ATP8B4: variants seen among roughly 807,000 people sequenced by gnomAD.
ATP8B4 encodes ATPase phospholipid transporting 8B4 (putative), also known as probable phospholipid-transporting ATPase IM.
In ATP8B4, 133 loss-of-function variants were observed where a neutral mutation model predicts 145.6. The ratio of observed to expected loss-of-function variants is 0.91; its 90% CI spans 0.79 to 1.05. The LOEUF (loss-of-function observed/expected upper bound fraction) is 1.05, where lower values mean the gene tolerates loss of function less well. Ranked by LOEUF, ATP8B4 falls within the 50% of genes least tolerant of loss-of-function variation. The pLI is 0.00. For synonymous variants in ATP8B4, 507 were observed against 492.9 expected (o/e 1.03, Z -0.38); for missense variants, 1,458 against 1,425.2 (o/e 1.02, Z -0.37).
At chr15:50,076,924 T>G (rs1475931533) in intron 2 of ATP8B4, among the ~76,000 whole-genome samples, 1 of 152,210 alleles carries the variant, frequency 6.6e-6, no homozygotes, top group Admixed American at 6.5e-5. Context: ...GCTACCACAG[T>G]GTATGAGGGG....
chr15:49,925,710 T>C (rs1354273411), intron 16 of ATP8B4, among the ~76,000 whole-genome samples: 1 of 152,208 alleles, frequency 6.6e-6, no homozygotes, highest in Non-Finnish European at 1.5e-5. Context: ...ATACTTTCCC[T>C]TAACCTAGTA....
chr15:49,990,706 C>A (rs919143183), intron 9 of ATP8B4, among the ~76,000 whole-genome samples: 8 of 152,134 alleles, frequency 5.3e-5, no homozygotes, highest in Non-Finnish European at 1.2e-4. Flanking sequence ...AAATGGAACT[C>A]AGTGCCCAAT....
chr15:50,153,373 C>T (rs1427862319), intron 1 of ATP8B4, among the ~76,000 whole-genome samples: 1 of 150,364 alleles, frequency 6.7e-6, no homozygotes, highest in Non-Finnish European at 1.5e-5. Context: ...GTGTCCCACG[C>T]TGTCGCCCAG....
intron 13 of ATP8B4, among the ~76,000 whole-genome samples, chr15:49,969,037 C>T (rs933104630): frequency 3.3e-5 from 5 of 151,902 alleles, no homozygotes; most frequent in East Asian, 1.9e-4. Context: ...AGGTAAATAA[C>T]GAAATAAAGG....
At chr15:50,041,366 T>A (rs1415942578) in intron 5 of ATP8B4, among the ~76,000 whole-genome samples, 2 of 152,252 alleles carry the variant, frequency 1.3e-5, no homozygotes, top group African/African-American at 4.8e-5. Context: ...CATAATGAGA[T>A]GTCTCATGTT....
chr15:50,076,642 G>A (rs1027042886), intron 2 of ATP8B4, among the ~76,000 whole-genome samples: 6 of 152,268 alleles, frequency 3.9e-5, no homozygotes, highest in African/African-American at 1.4e-4. Context: ...TATCCAAATT[G>A]CTCTCATCCC....
At chr15:49,980,213 A>G (rs994393614) in intron 11 of ATP8B4, among the ~76,000 whole-genome samples, 6 of 152,188 alleles carry the variant, frequency 3.9e-5, no homozygotes, top group African/African-American at 1.4e-4. Flanking sequence ...AAAGTAAAAC[A>G]CAGAGCCTGG....
At chr15:49,969,640 C>G (rs1773432455) in intron 13 of ATP8B4, among the ~76,000 whole-genome samples, 1 of 151,846 alleles carries the variant, frequency 6.6e-6, no homozygotes, top group African/African-American at 2.4e-5. Flanking sequence ...AATAGCCTAC[C>G]AACAAAAAAA....
chr15:49,980,345 A>G (rs759585674), intron 11 of ATP8B4, among the ~76,000 whole-genome samples: 1 of 152,178 alleles, frequency 6.6e-6, no homozygotes, highest in African/African-American at 2.4e-5. Flanking sequence ...AGCCTGTGAT[A>G]GGGTACATGG....
rs1429268314 is a variant in ATP8B4, at chr15:50,103,157, G to A, written c.28+3782C>T. Among the ~76,000 whole-genome samples the A allele has an allele frequency of 2.6e-5, 4 of 152,090 alleles. No homozygotes were observed. In the East Asian group the frequency reaches 7.7e-4, roughly 29 times the overall value. On this transcript the variant is annotated intron_variant, in intron 2 of 27. Transcript: ENST00000284509. ...ACATTATATTGAATAGGGAAAAGTT[G>A]AAAGCATTCCCCCTGAGAACTGGAA...
chr15:50,064,533 G>C lies in ATP8B4; in HGVS notation c.87+9594C>G, dbSNP rs568215688. Reference sequence around the variant, plus strand: ...CCTCCGTGCACACAGTCATGCAATAGACACAGATTTATTGACAAATATATA... The same window carrying C: ...CCTCCGTGCACACAGTCATGCAATACACACAGATTTATTGACAAATATATA... On this transcript the variant is annotated intron_variant, in intron 3 of 27. Coordinates refer to ENST00000284509, the MANE Select transcript of ATP8B4 (RefSeq NM_024837.4). 2.0e-5 allele frequency among the ~76,000 whole-genome samples: 3 copies of C among 152,220 alleles called. No individual in the cohort carries two copies. The East Asian group carries it at 5.8e-4, about 29-fold the overall frequency.
intron 13 of ATP8B4, among the ~76,000 whole-genome samples, chr15:49,971,442 C>T (rs1169333470): frequency 1.3e-5 from 2 of 151,684 alleles, no homozygotes. Context: ...CAAACAACCC[C>T]ATCAAAAAGT....
intron 26 of ATP8B4, among the ~76,000 whole-genome samples, chr15:49,863,817 A>C (rs984642970): frequency 6.6e-6 from 1 of 152,204 alleles, no homozygotes; most frequent in African/African-American, 2.4e-5. Flanking sequence ...ACTAAGGAAA[A>C]AAAAAATTTT....
chr15:50,013,352 C>G (rs556212471), intron 6 of ATP8B4, among the ~76,000 whole-genome samples: 25 of 152,216 alleles, frequency 1.6e-4, no homozygotes, highest in African/African-American at 5.3e-4. Flanking sequence ...GTGAAGGTGA[C>G]ACTGGCTCCA....
chr15:49,917,041 T>C lies in ATP8B4; in HGVS notation c.2036-2A>G. On this transcript the variant is annotated splice_acceptor_variant, in intron 19 of 27. Transcript: ENST00000284509. LOFTEE classifies it high-confidence loss of function. Reference sequence around the variant, plus strand: ...CATAACCGATGTTGATGGCAGTTTCTAACACAAAATAAAGCCCAATTCAGT... The same window carrying C: ...CATAACCGATGTTGATGGCAGTTTCCAACACAAAATAAAGCCCAATTCAGT... 1 of 1,613,416 alleles carries C rather than the reference T, an allele frequency of 6.2e-7. No homozygotes were observed. The highest frequency in any genetic ancestry group is 8.5e-7 in the Non-Finnish European group (1 of 1,179,424).
At chr15:50,101,031 G>C (rs1203005200) in intron 2 of ATP8B4, among the ~76,000 whole-genome samples, 1 of 152,032 alleles carries the variant, frequency 6.6e-6, no homozygotes, top group Admixed American at 6.6e-5. Flanking sequence ...GGTTAGACTA[G>C]ACATTCCCAA....
chr15:49,861,456 A>G (rs12911560), intron 27 of ATP8B4, among the ~76,000 whole-genome samples: 2,720 of 146,890 alleles, frequency 0.019, 52 homozygotes, highest in African/African-American at 0.045. Flanking sequence ...CTGTCTGTCT[A>G]TCTATCTATC....
chr15:50,076,310 G>A (rs2054167855), intron 2 of ATP8B4, among the ~76,000 whole-genome samples: 1 of 152,002 alleles, frequency 6.6e-6, no homozygotes, highest in Non-Finnish European at 1.5e-5. Context: ...TGGCCAACAT[G>A]GTGAAACCTC....
intron 1 of ATP8B4, among the ~76,000 whole-genome samples, chr15:50,127,659 C>T (rs773629352): frequency 6.6e-6 from 1 of 152,194 alleles, no homozygotes; most frequent in Non-Finnish European, 1.5e-5. Flanking sequence ...ACTGCTGCAG[C>T]TTGTGCTATA....
Sources: allele counts gnomAD v4.1 joint callset (sites outside exome capture counted in the v4.1 genomes callset), GRCh38; gene constraint gnomAD v4.1.1; transcripts MANE v1.5; gene names NCBI Gene and HGNC (gene_info 2026-07-23, HGNC 2026-07-21).